The following PREB variants were observed in gnomAD, a reference collection of about 807,000 sequenced individuals.
PREB encodes the protein prolactin regulatory element binding.
Under a neutral mutation model 46.7 loss-of-function variants are expected in PREB, and 29 were observed. That is an observed-to-expected ratio of 0.62 (90% CI 0.46 to 0.85). The LOEUF (loss-of-function observed/expected upper bound fraction) is 0.85, where lower values mean the gene tolerates loss of function less well. Among genes scored for constraint, PREB ranks in the 40% least tolerant of loss-of-function variants. PREB has a pLI of 0.00. For synonymous variants in PREB, 224 were observed against 220.1 expected, an observed-to-expected ratio of 1.02 and a Z score of -0.16; for missense variants, 494 against 528.4, an observed-to-expected ratio of 0.93 and a Z score of 0.64.
Position 27,134,398 on chromosome 2 carries a change from C to A in PREB, c.24G>T (p.Glu8Asp). ...ACAACGGGAACGGAGCCCGGTACAG[C>A]TCTGGCGCCCGGCGCCGGCCCATCC... MGRRRAP[E>D]LYRAPFPLYA... The change falls in exon 1 of 9, where the codon GAG becomes GAT. Residue 8 changes from glutamate to aspartate, a missense_variant. Coordinates refer to ENST00000260643, the MANE Select transcript of PREB (RefSeq NM_013388.6). 1.9e-6 allele frequency: 3 copies of A among 1,599,050 alleles called. No individual in the cohort carries two copies. The highest frequency in any genetic ancestry group is 2.3e-5 in the East Asian group (1 of 43,514).
chr2:27,133,746 G>A, intron 1 of PREB, 25 bp from the exon 2 acceptor site: 1 of 1,609,894 alleles, frequency 6.2e-7, no homozygotes, highest in Non-Finnish European at 8.5e-7. Flanking sequence ...ACCCGGATGA[G>A]CAAGTTCAGG....
In PREB at chr2:27,132,714, C is replaced by A; in HGVS notation, c.641G>T (p.Gly214Val). 1.9e-6 allele frequency: 3 copies of A among 1,614,152 alleles called. No homozygotes were observed. Among genetic ancestry groups the A allele is most frequent in the East Asian group, 4.5e-5 (2 of 44,886 alleles). The change falls in exon 5 of 9, where the codon GGC becomes GTC. Residue 214 changes from glycine to valine, a missense_variant. Transcript: ENST00000260643. This position sits in a 1 kb window ranked among gnomAD's most constrained non-coding sequence, Gnocchi z 4.0. Reference protein sequence around the residue: ...LGPDGKLVTVGRDLKASVWQK... With the variant: ...LGPDGKLVTVVRDLKASVWQK... ...CCACACAGAGGCCTTAAGGTCCCGG[C>A]CCACGGTTACCAACTAGTTAGGAAT... is the stretch of plus-strand genomic sequence containing the variant.
rs1476812843 is a variant in PREB, at chr2:27,134,403, GCGCCCGGCGCCGGCCCATCC to G, written c.-2_18del. 8 of 1,594,090 alleles carry G rather than the reference GCGCCCGGCGCCGGCCCATCC, an allele frequency of 5.0e-6. No homozygotes were observed. Among genetic ancestry groups the G allele is most frequent in the South Asian group, 3.4e-5 (3 of 89,334 alleles). ...GGGAACGGAGCCCGGTACAGCTCTG[GCGCCCGGCGCCGGCCCATCC>G]CGCCCGGCGCGCGTTCACTGCCCGC... On this transcript the variant is annotated start_lost and 5_prime_UTR_variant, in exon 1 of 9. Transcript: ENST00000260643.
chr2:27,133,732 G>C lies in PREB; in HGVS notation c.136-11C>G. ...TAGCTGCAGAAAGTGCTGTGGGAGG[G>C]GGAACCCGGATGAGCAAGTTCAGGG... is the stretch of plus-strand genomic sequence containing the variant. On this transcript the variant is annotated splice_polypyrimidine_tract_variant and intron_variant, in intron 1 of 8. Transcript: ENST00000260643. 1 of 1,613,028 alleles carries C rather than the reference G, an allele frequency of 6.2e-7. No individual in the cohort carries two copies. Among genetic ancestry groups the C allele is most frequent in the Non-Finnish European group, 8.5e-7 (1 of 1,179,448 alleles).
rs567716223 is a variant in PREB, at chr2:27,132,796, A to G, written c.627+47T>C. Reference sequence around the variant, plus strand: ...CACTTACTGGGCAAGCAGCATAAGCACCTCCTCTCTCCTTTCTCCATCCTC... The same window carrying G: ...CACTTACTGGGCAAGCAGCATAAGCGCCTCCTCTCTCCTTTCTCCATCCTC... On this transcript the variant is annotated intron_variant, in intron 4 of 8. Transcript: ENST00000260643. This position sits in a 1 kb window ranked among gnomAD's most constrained non-coding sequence, Gnocchi z 4.0. 42 of 1,611,950 alleles carry G rather than the reference A, an allele frequency of 2.6e-5. No homozygotes were observed. The South Asian group carries it at 4.5e-4, about 17-fold the overall frequency.
rs1672249405 is a variant in PREB, at chr2:27,131,255, A to G, written c.*159T>C. The G allele has an allele frequency of 7.3e-6, 5 of 686,102 alleles. No homozygotes were observed. Among genetic ancestry groups the G allele is most frequent in the East Asian group, 2.7e-5 (1 of 36,966 alleles). The allele number at this position is 686,102 out of a possible 1,614,324, so 42.5% of individuals were successfully genotyped here. Reference sequence around the variant, plus strand: ...GGGACCTGGAGTCACACAGGGCCATAGCCAAGCCTTTTCACTAGAAGGGCA... The same window carrying G: ...GGGACCTGGAGTCACACAGGGCCATGGCCAAGCCTTTTCACTAGAAGGGCA... On this transcript the variant is annotated 3_prime_UTR_variant, in exon 9 of 9. Coordinates refer to ENST00000260643, the MANE Select transcript of PREB (RefSeq NM_013388.6).
rs529299028 is a variant in PREB at position 27,133,307 on chromosome 2, T to C, written c.356A>G (p.Lys119Arg). The change falls in exon 3 of 9, where the codon AAG (lysine) becomes AGG (arginine). Residue 119 changes from lysine to arginine, a missense_variant. Transcript: ENST00000260643. Reference sequence around the variant, plus strand: ...TTTCTTCTCTGCTGGGGCTGCTCCCTTCCTTTGTCGAGGCCCCTGCTCCTT... The same window carrying C: ...TTTCTTCTCTGCTGGGGCTGCTCCCCTCCTTTGTCGAGGCCCCTGCTCCTT... The part of the protein sequence containing the change: ...GSKEQGPRQR[K>R]GAAPAEKKCG... 1.0e-4 allele frequency: 166 copies of C among 1,614,212 alleles called. No individual in the cohort carries two copies. In the South Asian group the frequency reaches 1.5e-3, roughly 15 times the overall value.
intron 2 of PREB, 57 bp downstream of exon 2, chr2:27,133,475 A>G: frequency 6.3e-7 from 1 of 1,597,914 alleles, no homozygotes; most frequent in African/African-American, 1.3e-5. Flanking sequence ...AGAGACACCA[A>G]GAGTGACCTT....
At position 27,132,930 on chromosome 2, in the gene PREB, CCAAA is replaced by C. The variant is rs767026057; in HGVS notation, c.547-11_547-8del. 5 of 1,614,004 alleles carry C rather than the reference CCAAA, an allele frequency of 3.1e-6. No homozygotes were observed. Among genetic ancestry groups the C allele is most frequent in the African/African-American group, 2.7e-5 (2 of 74,994 alleles). On this transcript the variant is annotated splice_region_variant and splice_polypyrimidine_tract_variant and intron_variant, in intron 3 of 8. Coordinates refer to ENST00000260643, the MANE Select transcript of PREB (RefSeq NM_013388.6). This position sits in a 1 kb window ranked among gnomAD's most constrained non-coding sequence, Gnocchi z 4.0. ...CCTTCTCCAGGCTGGGCACCTGTAGCCAAACAACCACCATGGTTAACTCAGGTGT... is the reference window on the plus strand; with the variant it reads ...CCTTCTCCAGGCTGGGCACCTGTAGCCAACCACCATGGTTAACTCAGGTGT...
chr2:27,133,326 G>C lies in PREB; in HGVS notation c.337C>G (p.Gln113Glu), dbSNP rs768597251. The C allele has an allele frequency of 2.5e-6, 4 of 1,614,038 alleles. No individual in the cohort carries two copies. In the South Asian group the frequency reaches 4.4e-5, roughly 18 times the overall value. ...GCTCCCTTCCTTTGTCGAGGCCCCT[G>C]CTCCTTGGAACCTGTAACACAAACA... ...NKAEKAGSKE[Q>E]GPRQRKGAAP... The change falls in exon 3 of 9, where the codon CAG becomes GAG. Residue 113 changes from glutamine to glutamate, a missense_variant. Transcript: ENST00000260643.
Position 27,133,680 on chromosome 2 carries a change from G to A in PREB, c.177C>T (p.Ala59=). ...QLELINGRLS[A]SLLHSHDTET... ...CTGTGTCATGGGAGTGCAGCAAGGA[G>A]GCACTCAAGCGCCCATTAATCAGCT... The change falls in exon 2 of 9, where the codon GCC becomes GCT. Residue 59 remains alanine, a synonymous_variant. Coordinates refer to ENST00000260643, the MANE Select transcript of PREB (RefSeq NM_013388.6). 1.9e-6 allele frequency: 3 copies of A among 1,614,198 alleles called. No homozygotes were observed. Among genetic ancestry groups the A allele is most frequent in the Non-Finnish European group, 2.5e-6 (3 of 1,180,016 alleles).
Position 27,132,578 on chromosome 2 carries a change from C to A in PREB, c.752+25G>T. On this transcript the variant is annotated intron_variant, in intron 5 of 8. Transcript: ENST00000260643. The surrounding 1 kb of genome is among the most constrained non-coding windows in gnomAD (Gnocchi z 4.0). ...CACCACAGCTGGGCTATGCCTCTTT[C>A]AGCCACCACCCAAAGTCTTCACACC... 3 of 1,613,374 alleles carry A rather than the reference C, an allele frequency of 1.9e-6. No homozygotes were observed. In the South Asian group the frequency reaches 3.3e-5, roughly 18 times the overall value.
chr2:27,131,651 T>C (rs779037389), intron 8 of PREB, 21 bp downstream of exon 8: 1 of 1,612,460 alleles, frequency 6.2e-7, no homozygotes, highest in South Asian at 1.1e-5. Flanking sequence ...GGTGCCTGCC[T>C]GCCCTGCCCC....
chr2:27,131,956 G>A, intron 7 of PREB, 54 bp downstream of exon 7: 1 of 1,596,412 alleles, frequency 6.3e-7, no homozygotes, highest in East Asian at 2.2e-5. Flanking sequence ...CAAACTCAGG[G>A]TAGAGACAGG....
At chr2:27,131,620 TC>T (rs762820428) in intron 8 of PREB, 51 bp downstream of exon 8, 2 of 1,605,064 alleles carry the variant, frequency 1.2e-6, no homozygotes, top group Non-Finnish European at 1.7e-6. Flanking sequence ...GGGGCACGTT[TC>T]TGGTCATTAA....
intron 3 of PREB, 91 bp from the exon 4 acceptor site, chr2:27,133,014 T>C: frequency 3.2e-6 from 5 of 1,579,110 alleles, no homozygotes; most frequent in Non-Finnish European, 4.4e-6. Context: ...GGCCCCTCAA[T>C]GCAAGCTTCA....
At position 27,131,681 on chromosome 2, in the gene PREB, G is replaced by A; in HGVS notation, c.1150C>T (p.Pro384Ser). Residue 384 changes from proline to serine, a missense_variant, in exon 8 of 9, where the codon CCC becomes TCC. Coordinates refer to ENST00000260643, the MANE Select transcript of PREB (RefSeq NM_013388.6). ...VDSRCQLHLL[P>S]SRRSVPVWLL... ...TGCCCCAATGACTCACGCCGTGAGG[G>A]CAACAGATGCAGCTGGCAACGACTG... 7 of 1,614,020 alleles carry A rather than the reference G, an allele frequency of 4.3e-6. No homozygotes were observed. The highest frequency in any genetic ancestry group is 5.9e-6 in the Non-Finnish European group (7 of 1,179,944).
chr2:27,133,299 C>A lies in PREB; in HGVS notation c.364G>T (p.Ala122Ser). The change falls in exon 3 of 9, where the codon GCC becomes TCC. Residue 122 changes from alanine to serine, a missense_variant. Physicochemically the swap from Ala to Ser is moderately conservative, Grantham distance 99. Coordinates refer to ENST00000260643, the MANE Select transcript of PREB (RefSeq NM_013388.6). ...EQGPRQRKGAAPAEKKCGAET... is the reference protein window; with the variant it reads ...EQGPRQRKGASPAEKKCGAET... The stretch of plus-strand genomic sequence containing the variant: ...GCTCCACATTTCTTCTCTGCTGGGG[C>A]TGCTCCCTTCCTTTGTCGAGGCCCC... The A allele has an allele frequency of 1.9e-6, 3 of 1,614,204 alleles. No individual in the cohort carries two copies. The highest frequency in any genetic ancestry group is 2.5e-6 in the Non-Finnish European group (3 of 1,180,032).
Position 27,134,300 on chromosome 2 carries a change from A to T in PREB, c.122T>A (p.Ile41Lys), listed in dbSNP as rs752434567. The T allele has an allele frequency of 9.9e-6, 16 of 1,608,136 alleles. No individual in the cohort carries two copies. The highest frequency in any genetic ancestry group is 2.7e-5 in the African/African-American group (2 of 74,538). ...CTGCGCTCTCACCACGCCATTCTTT[A>T]TGCCTGTCTTGGCGGCGCCTCCTCC... ...AGGGGAAKTG[I>K]KNGVHFLQLE... The change falls in exon 1 of 9, where the codon ATA becomes AAA. Residue 41 changes from isoleucine to lysine, a missense_variant. Coordinates refer to ENST00000260643, the MANE Select transcript of PREB (RefSeq NM_013388.6).
Sources: allele counts gnomAD v4.1 joint callset, GRCh38; gene constraint gnomAD v4.1.1; non-coding constraint Gnocchi (gnomAD v3.1); transcripts MANE v1.5; gene names NCBI Gene and HGNC (gene_info 2026-07-23, HGNC 2026-07-21).